Variants in TMED2 observed in about 807,000 individuals in gnomAD.
The protein encoded by TMED2 is transmembrane emp24 domain-containing protein 2.
In TMED2, 3 loss-of-function variants were observed where a neutral mutation model predicts 17.5. The observed-to-expected ratio is 0.17, with a 90% CI of 0.08 to 0.44. The LOEUF (loss-of-function observed/expected upper bound fraction) is 0.44, where lower values mean the gene tolerates loss of function less well. TMED2 is among the 20% of genes least tolerant of loss of function. The pLI is 0.99. For missense variants in TMED2, 149 were observed against 254.8 expected, an observed-to-expected ratio of 0.58 and a Z score of 2.83; for synonymous variants, 95 against 91.0, an observed-to-expected ratio of 1.04 and a Z score of -0.25.
At chr12:123,589,578 G>C (rs1953376739) in intron 2 of TMED2, among the ~76,000 whole-genome samples, 1 of 151,980 alleles carries the variant, frequency 6.6e-6, no homozygotes, top group African/African-American at 2.4e-5. Flanking sequence ...GCATTATATA[G>C]TATGTTTCCT....
intron 3 of TMED2, among the ~76,000 whole-genome samples, chr12:123,591,023 A>G (rs1387244513): frequency 6.6e-6 from 1 of 151,778 alleles, no homozygotes. Context: ...TTAAAAATGT[A>G]TGGTGAGCTA....
At position 123,596,686 on chromosome 12, in the gene TMED2, T is replaced by C; in HGVS notation, c.563T>C (p.Ile188Thr). 6.2e-7 allele frequency: 1 copy of C among 1,611,084 alleles called. No homozygotes were observed. Among genetic ancestry groups the C allele is most frequent in the Non-Finnish European group, 8.5e-7 (1 of 1,178,844 alleles). The change falls in exon 4 of 4, where the codon ATC becomes ACC. Residue 188 changes from isoleucine to threonine, a missense_variant. Physicochemically the swap from Ile to Thr is moderately conservative, Grantham distance 89. Coordinates refer to ENST00000262225, the MANE Select transcript of TMED2 (RefSeq NM_006815.4). ...CTAGTTGCCATGACATTGGGACAGA[T>C]CTACTACCTGAAGAGATTTTTTGAA... ...LVLVAMTLGQ[I>T]YYLKRFFEVR...
rs1320713151 is a variant in TMED2 at position 123,597,667 on chromosome 12, G to A, written c.*938G>A. ...TACTGACCATCAGTGTCAGCATTAG[G>A]GTTTTGGTTTTTGTTTCTTTTGGGT... On this transcript the variant is annotated 3_prime_UTR_variant, in exon 4 of 4. Coordinates refer to ENST00000262225, the MANE Select transcript of TMED2 (RefSeq NM_006815.4). The A allele has an allele frequency of 1.3e-5, 2 of 152,332 alleles. No homozygotes were observed. The highest frequency in any genetic ancestry group is 2.9e-5 in the Non-Finnish European group (2 of 68,032). 9.4% of individuals were successfully genotyped at this position (152,332 alleles called of 1,614,324 possible). A position where few individuals can be genotyped will look rare whatever the true frequency, so the allele number is the denominator to read the frequency against.
rs192717652 is a variant in TMED2 at position 123,594,995 on chromosome 12, G to A, written c.482-1610G>A. 1.1e-3 allele frequency among the ~76,000 whole-genome samples: 175 copies of A among 152,266 alleles called. 4 individuals carry two copies. The Middle Eastern group carries it at 0.027, about 24-fold the overall frequency. ...TATAATCCCAGCACTTTGGGAGGCC[G>A]AGGCAGGCAGATCACCTGAGGTTAA... On this transcript the variant is annotated intron_variant, in intron 3 of 3. Coordinates refer to ENST00000262225, the MANE Select transcript of TMED2 (RefSeq NM_006815.4).
At chr12:123,586,695 G>A in intron 1 of TMED2, 52 bp from the exon 2 acceptor site, 1 of 1,509,128 alleles carries the variant, frequency 6.6e-7, no homozygotes, top group East Asian at 2.3e-5. Context: ...TACTTATAAA[G>A]TCTATGACTT....
At chr12:123,585,106 G>A (rs980909203) in intron 1 of TMED2, 11 of 355,742 alleles carry the variant, frequency 3.1e-5, no homozygotes, top group Non-Finnish European at 5.3e-5. Context: ...ACCTCTCGCT[G>A]AGCTTTGTGA....
chr12:123,596,540 T>C, intron 3 of TMED2, 65 bp from the exon 4 acceptor site: 1 of 1,544,416 alleles, frequency 6.5e-7, no homozygotes. Flanking sequence ...CTAAAATATT[T>C]ATGATGCCTA....
At chr12:123,585,646 A>G (rs1886330726) in intron 1 of TMED2, 1 of 152,262 alleles carries the variant, frequency 6.6e-6, no homozygotes, top group South Asian at 2.1e-4. Context: ...GAAATCCAAA[A>G]ATAAGGGGAT....
In TMED2 at chr12:123,584,759, C is replaced by G; in HGVS notation, c.123C>G (p.Thr41=). The G allele has an allele frequency of 1.2e-6, 2 of 1,613,564 alleles. No individual in the cohort carries two copies. The highest frequency in any genetic ancestry group is 1.1e-5 in the South Asian group (1 of 91,088). The part of the protein sequence containing the change: ...ECFFERVTSG[T]KMGLIFEVAE... ...TCTTTGAGCGGGTCACCTCGGGCAC[C>G]AAGATGGGCCTCATCTTCGAGGTGG... The change falls in exon 1 of 4, where the codon ACC becomes ACG. Residue 41 remains threonine (T), a synonymous_variant. Transcript: ENST00000262225.
intron 3 of TMED2, among the ~76,000 whole-genome samples, chr12:123,591,062 A>G (rs191272666): frequency 3.2e-4 from 43 of 136,284 alleles, no homozygotes; most frequent in African/African-American, 1.2e-3. Flanking sequence ...TTCTTAAATC[A>G]GAAGGGAAAA....
intron 3 of TMED2, among the ~76,000 whole-genome samples, chr12:123,592,456 T>C (rs1315127661): frequency 6.6e-6 from 1 of 152,220 alleles, no homozygotes; most frequent in Non-Finnish European, 1.5e-5. Flanking sequence ...CTTCCGTCTT[T>C]AGGGTGTCCA....
At position 123,590,383 on chromosome 12, in the gene TMED2, G is replaced by C. The variant is rs1953382747; in HGVS notation, c.415G>C (p.Val139Leu). 1.2e-6 allele frequency: 2 copies of C among 1,610,074 alleles called. No homozygotes were observed. Among genetic ancestry groups the C allele is most frequent in the Non-Finnish European group, 1.7e-6 (2 of 1,177,524 alleles). ...KLEEMINELA[V>L]AMTAVKHEQE... ...AGAAGAAATGATCAATGAGCTAGCAGTGGCGATGACAGCTGTAAAGCACGA... is the reference window on the plus strand; with the variant it reads ...AGAAGAAATGATCAATGAGCTAGCACTGGCGATGACAGCTGTAAAGCACGA... The change falls in exon 3 of 4, where the codon GTG becomes CTG. Residue 139 changes from valine (V) to leucine (L), a missense_variant. Physicochemically the swap from Val to Leu is conservative, Grantham distance 32. Transcript: ENST00000262225.
chr12:123,590,344 C>T lies in TMED2; in HGVS notation c.376C>T (p.His126Tyr), dbSNP rs373797278. 6 of 1,592,224 alleles carry T rather than the reference C, an allele frequency of 3.8e-6. No individual in the cohort carries two copies. The highest frequency in any genetic ancestry group is 5.1e-6 in the Non-Finnish European group (6 of 1,168,342). The change falls in exon 3 of 4, where the codon CAC becomes TAC. Residue 126 changes from histidine to tyrosine, a missense_variant and splice_region_variant. Physicochemically the swap from His to Tyr is moderately conservative, Grantham distance 83. Transcript: ENST00000262225. ...PKGQDMETEA[H>Y]QNKLEEMINE... Reference sequence around the variant, plus strand: ...TTTGTTTTCAAATCCTTCTATAGCTCACCAGAACAAGCTAGAAGAAATGAT... The same window carrying T: ...TTTGTTTTCAAATCCTTCTATAGCTTACCAGAACAAGCTAGAAGAAATGAT...
chr12:123,596,093 C>A (rs1187363121), intron 3 of TMED2, among the ~76,000 whole-genome samples: 7 of 152,162 alleles, frequency 4.6e-5, no homozygotes, highest in Non-Finnish European at 1.0e-4. Flanking sequence ...CCATAGGTTA[C>A]AATGACTTCA....
chr12:123,584,990 C>T lies in TMED2; in HGVS notation c.180+174C>T, dbSNP rs1441362954. Reference sequence around the variant, plus strand: ...CGCCCCGGCCACGGCGACCTCCTAACGGCCCCTTTTCCCGCGACTTGCCTG... The same window carrying T: ...CGCCCCGGCCACGGCGACCTCCTAATGGCCCCTTTTCCCGCGACTTGCCTG... On this transcript the variant is annotated intron_variant, in intron 1 of 3. Coordinates refer to ENST00000262225, the MANE Select transcript of TMED2 (RefSeq NM_006815.4). 5.1e-6 allele frequency: 4 copies of T among 783,636 alleles called. No individual in the cohort carries two copies. In the Admixed American group the frequency reaches 8.9e-5, roughly 17 times the overall value. The allele number at this position is 783,636 out of a possible 1,614,324, so 48.5% of individuals were successfully genotyped here.
At position 123,597,411 on chromosome 12, in the gene TMED2, A is replaced by C. The variant is rs563561941; in HGVS notation, c.*682A>C. ...TTTCTGGGTTTCTGCCTAACCCCCT[A>C]ATTGTCTGTTAAAGCCAATTCTCTG... On this transcript the variant is annotated 3_prime_UTR_variant, in exon 4 of 4. Transcript: ENST00000262225. 4.6e-5 allele frequency: 7 copies of C among 152,320 alleles called. No homozygotes were observed. In the South Asian group the frequency reaches 1.5e-3, roughly 32 times the overall value. 9.4% of individuals were successfully genotyped at this position (152,320 alleles called of 1,614,324 possible). A position where few individuals can be genotyped will look rare whatever the true frequency, so the allele number is the denominator to read the frequency against.
chr12:123,598,219 A>G lies in TMED2; in HGVS notation c.*1490A>G, dbSNP rs545194468. On this transcript the variant is annotated 3_prime_UTR_variant, in exon 4 of 4. Coordinates refer to ENST00000262225, the MANE Select transcript of TMED2 (RefSeq NM_006815.4). ...TTTCTGTTCTTATTTGACATGAGAC[A>G]TGTTCATGTTTTCTGAGTATTTATA... 3.3e-4 allele frequency: 51 copies of G among 152,356 alleles called. No individual in the cohort carries two copies. The highest frequency in any genetic ancestry group is 1.2e-3 in the African/African-American group (49 of 41,542). The allele number at this position is 152,356 out of a possible 1,614,324, so 9.4% of individuals were successfully genotyped here. A position where few individuals can be genotyped will look rare whatever the true frequency, so the allele number is the denominator to read the frequency against.
Position 123,586,855 on chromosome 12 carries a change from C to T in TMED2, c.289C>T (p.Arg97Trp), listed in dbSNP as rs763814551. Residue 97 changes from arginine (R) to tryptophan (W), a missense_variant, in exon 2 of 4, where the codon CGG becomes TGG. Physicochemically the swap from Arg to Trp is moderately radical, Grantham distance 101. Transcript: ENST00000262225. Reference protein sequence around the residue: ...DGTYKFCFSNRMSTMTPKIVM... With the variant: ...DGTYKFCFSNWMSTMTPKIVM... ...AACATACAAATTTTGTTTTAGTAAC[C>T]GGATGTCCACCATGACTCCAAAAAT... 5.0e-6 allele frequency: 8 copies of T among 1,613,374 alleles called. No individual in the cohort carries two copies. Among genetic ancestry groups the T allele is most frequent in the South Asian group, 2.2e-5 (2 of 90,968 alleles).
At chr12:123,593,083 C>T (rs768574421) in intron 3 of TMED2, among the ~76,000 whole-genome samples, 1 of 152,166 alleles carries the variant, frequency 6.6e-6, no homozygotes, top group Non-Finnish European at 1.5e-5. Context: ...TAGCCAGGCA[C>T]ATGTAATCCC....
Sources: gnomAD v4.1 joint callset for allele counts (sites outside exome capture counted in the v4.1 genomes callset) on GRCh38, gnomAD v4.1.1 for gene constraint, MANE v1.5 for transcripts, NCBI Gene and HGNC (gene_info 2026-07-23, HGNC 2026-07-21) for gene names.